DAB1: variants seen among roughly 807,000 people sequenced by gnomAD.
The protein encoded by DAB1 is DAB adaptor protein 1.
A neutral mutation model predicts 64.6 loss-of-function variants in DAB1; 15 were observed. The observed-to-expected ratio is 0.23, with a 90% CI of 0.16 to 0.36. DAB1 has a LOEUF of 0.36. DAB1 is among the 10% of genes least tolerant of loss of function. The pLI, the probability that DAB1 is intolerant of heterozygous loss-of-function variation, is 1.00. For missense variants in DAB1, 596 were observed against 706.7 expected, an observed-to-expected ratio of 0.84 and a Z score of 1.78; for synonymous variants, 235 against 251.9, an observed-to-expected ratio of 0.93 and a Z score of 0.64.
intron 4 of DAB1, among the ~76,000 whole-genome samples, chr1:58,269,502 T>C (rs1569586088): frequency 1.4e-5 from 2 of 143,016 alleles, no homozygotes; most frequent in African/African-American, 5.0e-5. Flanking sequence ...TGTGTCTTTA[T>C]AGCAGCATGA....
chr1:57,567,441 A>C (rs901451758), intron 7 of DAB1, among the ~76,000 whole-genome samples: 6 of 152,220 alleles, frequency 3.9e-5, no homozygotes, highest in Admixed American at 3.9e-4. Context: ...ACCAGGCAGG[A>C]GAAAGAAATA....
intron 6 of DAB1, among the ~76,000 whole-genome samples, chr1:57,754,559 G>A (rs533915559): frequency 3.3e-5 from 5 of 151,840 alleles, no homozygotes; most frequent in African/African-American, 7.2e-5. Context: ...GGTGGCATGC[G>A]CCTGTGATCC....
intron 5 of DAB1, among the ~76,000 whole-genome samples, chr1:57,969,509 C>T (rs1262042490): frequency 2.0e-5 from 3 of 152,046 alleles, no homozygotes; most frequent in African/African-American, 4.8e-5. Flanking sequence ...TTTGTATTTA[C>T]ATAACATCCA....
chr1:58,053,714 C>T (rs1043755503), intron 5 of DAB1, among the ~76,000 whole-genome samples: 11 of 152,312 alleles, frequency 7.2e-5, no homozygotes, highest in African/African-American at 2.6e-4. Context: ...GTAGGTGCCA[C>T]ATGGTAGGTA....
At position 58,246,137 on chromosome 1, in the gene DAB1, T is replaced by G. The variant is rs540793436; in HGVS notation, n.310-95549A>C. 3.6e-4 allele frequency among the ~76,000 whole-genome samples: 50 copies of G among 138,922 alleles called. 2 individuals carry two copies. In the South Asian group the frequency reaches 7.2e-3, roughly 20 times the overall value. 91.1% of individuals were successfully genotyped at this position (138,922 alleles called of 152,430 possible). On this transcript the variant is annotated intron_variant and non_coding_transcript_variant, in intron 4 of 20. Coordinates refer to the DAB1 transcript ENST00000485760. ...TTTGTATCAGAATTGTTAACAAAAA[T>G]GAATAAGAGAAAATAAATGTTTAGA...
intron 3 of DAB1, among the ~76,000 whole-genome samples, chr1:58,466,464 A>G (rs1299433888): frequency 6.6e-6 from 1 of 151,870 alleles, no homozygotes; most frequent in Admixed American, 6.6e-5. Context: ...TGGGGTGGGT[A>G]GGTCTGTGTG....
rs544668732 is a variant in DAB1 at position 57,947,117 on chromosome 1, A to G, written n.388-62955T>C. Among the ~76,000 whole-genome samples, 9 of 152,188 alleles carry G rather than the reference A, an allele frequency of 5.9e-5. No homozygotes were observed. In the East Asian group the frequency reaches 1.7e-3, roughly 29 times the overall value. ...CTCCTAGTTTTCCAAAGTAGACACC[A>G]TTACCCCTGTCAAAATATGAGGAAA... On this transcript the variant is annotated intron_variant and non_coding_transcript_variant, in intron 5 of 20. Transcript: ENST00000485760.
chr1:57,490,304 T>C (rs1307856108), intron 7 of DAB1, among the ~76,000 whole-genome samples: 2 of 152,158 alleles, frequency 1.3e-5, no homozygotes, highest in Admixed American at 6.6e-5. Context: ...ACCTAGGCTT[T>C]GGGTAGGTTC....
chr1:58,231,703 C>G (rs1659780239), intron 4 of DAB1, among the ~76,000 whole-genome samples: 1 of 152,160 alleles, frequency 6.6e-6, no homozygotes, highest in Admixed American at 6.5e-5. Context: ...ACAGGATTTG[C>G]TTTGTGCTAC....
intron 6 of DAB1, among the ~76,000 whole-genome samples, chr1:57,775,895 A>G (rs1649774475): frequency 1.3e-5 from 2 of 151,670 alleles, no homozygotes; most frequent in Admixed American, 1.3e-4. Flanking sequence ...AAATTGTGAT[A>G]CCATCTTTAT....
intron 4 of DAB1, among the ~76,000 whole-genome samples, chr1:57,089,350 A>G (rs1048176103): frequency 3.9e-5 from 6 of 152,212 alleles, no homozygotes; most frequent in Non-Finnish European, 5.9e-5. Flanking sequence ...CTATAAAGAA[A>G]TACCTGAGAC....
chr1:58,533,876 A>G, intron 1 of DAB1: 1 of 796,462 alleles, frequency 1.3e-6, no homozygotes, highest in Non-Finnish European at 2.2e-6. Flanking sequence ...CCTGAAAAAA[A>G]TCAGTTCTTT....
In DAB1 at chr1:57,747,807, CAAAAAAAAAAAAAAAA is replaced by C. The variant is rs373640023; in HGVS notation, n.552-98158_552-98143del. Among the ~76,000 whole-genome samples, 26 of 43,974 alleles carry C rather than the reference CAAAAAAAAAAAAAAAA, an allele frequency of 5.9e-4. No homozygotes were observed. The South Asian group carries it at 0.027, about 46-fold the overall frequency. 28.8% of individuals were successfully genotyped at this position (43,974 alleles called of 152,430 possible). ...CTGGGCGACAGAGGAGGACTCTGTC[CAAAAAAAAAAAAAAAA>C]AAAAAAAAAAGAATACCATTGTATT... On this transcript the variant is annotated intron_variant and non_coding_transcript_variant, in intron 6 of 20. Transcript: ENST00000485760.
intron 4 of DAB1, among the ~76,000 whole-genome samples, chr1:57,103,976 G>A (rs1383930313): frequency 6.6e-6 from 1 of 152,122 alleles, no homozygotes; most frequent in South Asian, 2.1e-4. Flanking sequence ...AGGAGATCAA[G>A]GGTCTGTCTG....
intron 4 of DAB1, among the ~76,000 whole-genome samples, chr1:58,181,881 A>G (rs1656814045): frequency 1.3e-5 from 2 of 151,996 alleles, no homozygotes; most frequent in Non-Finnish European, 2.9e-5. Context: ...TTCATAATTA[A>G]CTTACAAGTG....
At chr1:58,542,918 G>C (rs1338298240) in intron 1 of DAB1, among the ~76,000 whole-genome samples, 1 of 152,102 alleles carries the variant, frequency 6.6e-6, no homozygotes, top group Non-Finnish European at 1.5e-5. Flanking sequence ...GCATGTGTAA[G>C]TTGGGTCTAC....
chr1:57,554,817 T>C (rs1321061748), intron 7 of DAB1, among the ~76,000 whole-genome samples: 3 of 152,174 alleles, frequency 2.0e-5, no homozygotes, highest in Non-Finnish European at 4.4e-5. Flanking sequence ...TTAAAACTGA[T>C]TTTGAAAAGT....
chr1:58,011,012 A>G (rs1646660213), intron 5 of DAB1, among the ~76,000 whole-genome samples: 1 of 152,166 alleles, frequency 6.6e-6, no homozygotes, highest in Admixed American at 6.5e-5. Flanking sequence ...CTCCATTTTT[A>G]CCAAAGAGGT....
chr1:58,435,575 TC>T (rs1348635404), intron 3 of DAB1, among the ~76,000 whole-genome samples: 1 of 152,172 alleles, frequency 6.6e-6, no homozygotes, highest in Admixed American at 6.5e-5. Flanking sequence ...ACAAAGCTCC[TC>T]CTCTTCCCCA....
Sources: gnomAD v4.1 joint callset for allele counts (sites outside exome capture counted in the v4.1 genomes callset) on GRCh38, gnomAD v4.1.1 for gene constraint, MANE v1.5 for transcripts, NCBI Gene and HGNC (gene_info 2026-07-23, HGNC 2026-07-21) for gene names.